Variants in TMEM30A observed in about 807,000 individuals in gnomAD.
TMEM30A encodes cell cycle control protein 50A.
Under a neutral mutation model 38.2 loss-of-function variants are expected in TMEM30A, and 24 were observed. The observed-to-expected ratio is 0.63, with a 90% CI of 0.46 to 0.88. The LOEUF (loss-of-function observed/expected upper bound fraction) is 0.88, where lower values mean the gene tolerates loss of function less well. Ranked by LOEUF, TMEM30A falls within the 40% of genes least tolerant of loss-of-function variation. The probability of loss-of-function intolerance (pLI) is 0.00; values close to 1 mark genes in which losing one functional copy is unlikely to be tolerated. For synonymous variants in TMEM30A, 145 were observed against 161.6 expected, an observed-to-expected ratio of 0.90 and a Z score of 0.78; for missense variants, 370 against 458.6, an observed-to-expected ratio of 0.81 and a Z score of 1.77.
In TMEM30A at chr6:75,262,964, T is replaced by C. The variant is rs141744563; in HGVS notation, c.454-2053A>G. 6.5e-3 allele frequency among the ~76,000 whole-genome samples: 997 copies of C among 152,360 alleles called. 16 individuals are homozygous for C. Among genetic ancestry groups the C allele is most frequent in the African/African-American group, 0.023 (939 of 41,592 alleles). On this transcript the variant is annotated intron_variant, in intron 3 of 6. Transcript: ENST00000230461. ...GCTCCCTGCCTTCATGAGCTTACAG[T>C]ATAGCTGGAAAGAAAGATAACAGAT...
At position 75,259,408 on chromosome 6, in the gene TMEM30A, T is replaced by G; in HGVS notation, c.624A>C (p.Thr208=). 6.2e-7 allele frequency: 1 copy of G among 1,613,692 alleles called. No individual in the cohort carries two copies. Among genetic ancestry groups the G allele is most frequent in the Non-Finnish European group, 8.5e-7 (1 of 1,179,750 alleles). The change falls in exon 5 of 7, where the codon ACA becomes ACC. Residue 208 remains threonine, a synonymous_variant. Transcript: ENST00000230461. ...GATTTCTGAATTTCACATTTTTATC[T>G]GTCCACCAAGCAATACCTTTCTTTT... is the stretch of plus-strand genomic sequence containing the variant. The part of the protein sequence containing the change: ...ALKKKGIAWW[T]DKNVKFRNPP...
In TMEM30A at chr6:75,284,382, C is replaced by CCACAGCTCCCTCCCCT; in HGVS notation, c.237+4_237+19dup. The CCACAGCTCCCTCCCCT allele has an allele frequency of 6.2e-7, 1 of 1,612,086 alleles. No homozygotes were observed. ...TCCTCCCGAGCAACGCCAACTCCCACCACAGCTCCCTCCCCTCACCTCGAT... is the reference window on the plus strand; with the variant it reads ...TCCTCCCGAGCAACGCCAACTCCCACCACAGCTCCCTCCCCTCACAGCTCCCTCCCCTCACCTCGAT... On this transcript the variant is annotated intron_variant, in intron 1 of 6. Transcript: ENST00000230461.
intron 1 of TMEM30A, chr6:75,272,341 C>A (rs762293447): frequency 6.7e-6 from 1 of 149,490 alleles, no homozygotes; most frequent in Non-Finnish European, 1.5e-5. Flanking sequence ...TCAGGCATGC[C>A]TGGACAAGCC....
chr6:75,270,047 A>C (rs1772139615), intron 1 of TMEM30A, among the ~76,000 whole-genome samples: 1 of 151,998 alleles, frequency 6.6e-6, no homozygotes, highest in Admixed American at 6.6e-5. Flanking sequence ...CTCGTGATCC[A>C]CCTGCCTTGG....
At chr6:75,277,764 G>C (rs1465272528) in intron 1 of TMEM30A, among the ~76,000 whole-genome samples, 1 of 152,140 alleles carries the variant, frequency 6.6e-6, no homozygotes, top group African/African-American at 2.4e-5. Flanking sequence ...AAATTGGCCA[G>C]TCCTGGTGGC....
At chr6:75,279,124 G>A (rs1048912778) in intron 1 of TMEM30A, among the ~76,000 whole-genome samples, 5 of 152,178 alleles carry the variant, frequency 3.3e-5, no homozygotes, top group Non-Finnish European at 5.9e-5. Flanking sequence ...GGTGTGTGGG[G>A]GGGTGGGCAG....
At position 75,253,986 on chromosome 6, in the gene TMEM30A, A is replaced by G. The variant is rs1185402033; in HGVS notation, c.*2116T>C. 2.0e-5 allele frequency: 3 copies of G among 152,132 alleles called. No individual in the cohort carries two copies. Among genetic ancestry groups the G allele is most frequent in the Admixed American group, 1.3e-4 (2 of 15,258 alleles). 9.4% of individuals were successfully genotyped at this position (152,132 alleles called of 1,614,324 possible). A position where few individuals can be genotyped will look rare whatever the true frequency, so the allele number is the denominator to read the frequency against. On this transcript the variant is annotated 3_prime_UTR_variant, in exon 7 of 7. Coordinates refer to ENST00000230461, the MANE Select transcript of TMEM30A (RefSeq NM_018247.4). ...ACTATGACATTTGAGCATAAAGCCTATAAGAAAAAGAAATGTCTTCCCTCC... is the reference window on the plus strand; with the variant it reads ...ACTATGACATTTGAGCATAAAGCCTGTAAGAAAAAGAAATGTCTTCCCTCC...
intron 1 of TMEM30A, among the ~76,000 whole-genome samples, chr6:75,280,587 G>A (rs1194363881): frequency 6.6e-6 from 1 of 152,012 alleles, no homozygotes; most frequent in East Asian, 1.9e-4. Context: ...TCATCAAATC[G>A]ATTACAAATG....
intron 1 of TMEM30A, among the ~76,000 whole-genome samples, chr6:75,280,516 A>G (rs1031545521): frequency 3.9e-4 from 60 of 152,204 alleles, no homozygotes; most frequent in African/African-American, 1.4e-3. Context: ...ACTAATGAGA[A>G]GAATGGAAAT....
Position 75,284,739 on chromosome 6 carries a change from C to CGCCGCA in TMEM30A, c.-107_-102dup. 8.4e-7 allele frequency: 1 copy of CGCCGCA among 1,187,618 alleles called. No individual in the cohort carries two copies. The highest frequency in any genetic ancestry group is 1.2e-6 in the Non-Finnish European group (1 of 811,998). 73.6% of individuals were successfully genotyped at this position (1,187,618 alleles called of 1,614,324 possible). A position where few individuals can be genotyped will look rare whatever the true frequency, so the allele number is the denominator to read the frequency against. ...GCTCGAGCGCCGCTGCCGCCGCCGC[C>CGCCGCA]GCCGCAGCCACCAGCGCCACCGCCA... On this transcript the variant is annotated 5_prime_UTR_variant, in exon 1 of 7. Transcript: ENST00000230461.
chr6:75,268,878 T>C (rs528553648), intron 1 of TMEM30A, among the ~76,000 whole-genome samples: 18 of 151,978 alleles, frequency 1.2e-4, no homozygotes, highest in Non-Finnish European at 2.2e-4. Context: ...ACCTGTGGAG[T>C]CTGACACTAT....
At chr6:75,270,068 T>C (rs1772139979) in intron 1 of TMEM30A, among the ~76,000 whole-genome samples, 1 of 152,202 alleles carries the variant, frequency 6.6e-6, no homozygotes, top group Non-Finnish European at 1.5e-5. Flanking sequence ...CCTCCCAAAG[T>C]GCTGAGATTA....
chr6:75,284,455 T>C lies in TMEM30A; in HGVS notation c.184A>G (p.Ile62Val). Residue 62 changes from isoleucine (I) to valine (V), a missense_variant, in exon 1 of 7, where the codon ATT becomes GTT. Physicochemically the swap from Ile to Val is conservative, Grantham distance 29. Coordinates refer to ENST00000230461, the MANE Select transcript of TMEM30A (RefSeq NM_018247.4). ...ACAAAAATGCCAATGCCGATGGGAA[T>C]GAAGATGAGACCGATGATGAAGAAA... ...PIFFIIGLIF[I>V]PIGIGIFVTS... 6.2e-7 allele frequency: 1 copy of C among 1,614,042 alleles called. No homozygotes were observed. The highest frequency in any genetic ancestry group is 8.5e-7 in the Non-Finnish European group (1 of 1,179,976).
At chr6:75,271,146 G>A (rs1166211823) in intron 1 of TMEM30A, among the ~76,000 whole-genome samples, 2 of 151,866 alleles carry the variant, frequency 1.3e-5, no homozygotes, top group Non-Finnish European at 2.9e-5. Flanking sequence ...AAAAAAAGTT[G>A]CCAGCTGAAC....
At chr6:75,274,925 G>A (rs919465579) in intron 1 of TMEM30A, among the ~76,000 whole-genome samples, 2 of 151,602 alleles carry the variant, frequency 1.3e-5, no homozygotes, top group African/African-American at 2.4e-5. Context: ...GCAGGAGAAC[G>A]GCATGAACCT....
chr6:75,267,577 T>C lies in TMEM30A; in HGVS notation c.345+64A>G, dbSNP rs932497254. The C allele has an allele frequency of 6.1e-6, 7 of 1,149,872 alleles. No individual in the cohort carries two copies. In the Admixed American group the frequency reaches 1.2e-4, roughly 20 times the overall value. 71.2% of individuals were successfully genotyped at this position (1,149,872 alleles called of 1,614,324 possible). On this transcript the variant is annotated intron_variant, in intron 2 of 6. Transcript: ENST00000230461. ...AAAGGAAAATACCTTGTAAAAGACA[T>C]TTAGTACAGTATCAGTATTTTTTAA... is the stretch of plus-strand genomic sequence containing the variant.
chr6:75,280,590 T>C (rs1489529329), intron 1 of TMEM30A, among the ~76,000 whole-genome samples: 1 of 152,166 alleles, frequency 6.6e-6, no homozygotes, highest in African/African-American at 2.4e-5. Context: ...TCAAATCGAT[T>C]ACAAATGTTC....
At chr6:75,277,857 C>T (rs192809707) in intron 1 of TMEM30A, among the ~76,000 whole-genome samples, 3 of 152,182 alleles carry the variant, frequency 2.0e-5, no homozygotes, top group East Asian at 1.9e-4. Flanking sequence ...CAGTGCGCTA[C>T]GACTGTACCA....
intron 1 of TMEM30A, among the ~76,000 whole-genome samples, chr6:75,279,775 G>C (rs986794324): frequency 4.4e-4 from 67 of 152,250 alleles, no homozygotes; most frequent in African/African-American, 1.6e-3. Flanking sequence ...TTAATGCAGT[G>C]GGAAAGGAGG....
Sources: gnomAD v4.1 joint callset for allele counts (sites outside exome capture counted in the v4.1 genomes callset) on GRCh38, gnomAD v4.1.1 for gene constraint, MANE v1.5 for transcripts, NCBI Gene and HGNC (gene_info 2026-07-23, HGNC 2026-07-21) for gene names.